The following RC3H2 variants were observed in gnomAD, a reference collection of about 807,000 sequenced individuals.
RC3H2 encodes the protein ring finger and CCCH-type domains 2.
RC3H2 carries 31 observed loss-of-function variants against 133.3 expected under a neutral mutation model. That is an observed-to-expected ratio of 0.23 (90% CI 0.17 to 0.31). The LOEUF is 0.31. RC3H2 is among the 10% of genes least tolerant of loss of function. RC3H2 has a pLI of 1.00. For synonymous variants in RC3H2, 517 were observed against 502.2 expected (o/e 1.03, Z -0.40); for missense variants, 1,175 against 1,437.2 (o/e 0.82, Z 2.95).
At chr9:122,866,964 C>T (rs1055632817) in intron 9 of RC3H2, among the ~76,000 whole-genome samples, 1 of 143,920 alleles carries the variant, frequency 6.9e-6, no homozygotes, top group African/African-American at 2.6e-5. Flanking sequence ...TGAGGAGCGT[C>T]TCTGCCCGGC....
intron 12 of RC3H2, among the ~76,000 whole-genome samples, 198 bp downstream of exon 12, chr9:122,858,471 T>G (rs964668427): frequency 1.3e-5 from 2 of 152,266 alleles, no homozygotes; most frequent in East Asian, 3.8e-4. Context: ...TTTTCTGATT[T>G]AATTCTCACA....
chr9:122,885,887 GTTTGT>G (rs558132218), intron 4 of RC3H2, among the ~76,000 whole-genome samples: 13 of 150,940 alleles, frequency 8.6e-5, no homozygotes, highest in South Asian at 4.2e-4. Context: ...GTTTTGTTTT[GTTTGT>G]TTTGTTTTGT....
chr9:122,885,090 T>C (rs538677092), intron 4 of RC3H2, among the ~76,000 whole-genome samples: 1 of 152,250 alleles, frequency 6.6e-6, no homozygotes, highest in Admixed American at 6.6e-5. Flanking sequence ...AAATTGTATA[T>C]AGTACTGTAT....
In RC3H2 at chr9:122,883,390, T is replaced by TA. The variant is rs763568821; in HGVS notation, c.584-12dup. 1.9e-6 allele frequency: 3 copies of TA among 1,584,816 alleles called. No homozygotes were observed. The African/African-American group carries it at 4.1e-5, about 22-fold the overall frequency. On this transcript the variant is annotated splice_polypyrimidine_tract_variant and intron_variant, in intron 4 of 20. Coordinates refer to ENST00000357244, the MANE Select transcript of RC3H2 (RefSeq NM_001100588.3). Reference sequence around the variant, plus strand: ...CCTCTTCTTGCATAGCTAAAAATATTAAAGGAACATGAGTTCATGACAAAT... The same window carrying TA: ...CCTCTTCTTGCATAGCTAAAAATATTAAAAGGAACATGAGTTCATGACAAAT...
chr9:122,859,900 T>G lies in RC3H2; in HGVS notation c.1849+17A>C, dbSNP rs748519894. ...ACAATGTTTCTTTTTTTCTTAGAAT[T>G]GTCTAAAATTACTCACCTGTCTGTG... On this transcript the variant is annotated intron_variant, in intron 11 of 20. Coordinates refer to ENST00000357244, the MANE Select transcript of RC3H2 (RefSeq NM_001100588.3). 1.2e-5 allele frequency: 18 copies of G among 1,556,182 alleles called. No homozygotes were observed. The Admixed American group carries it at 3.0e-4, about 26-fold the overall frequency.
rs1207375704 is a variant in RC3H2, at chr9:122,868,859, G to A, written c.1326-3202C>T. On this transcript the variant is annotated intron_variant, in intron 9 of 20. Transcript: ENST00000357244. ...CCTATATGTGTGTGTGTGTGTGTGT[G>A]TGTGTGTGTGTGTGTGTGTGTGTGT... Among the ~76,000 whole-genome samples, 39 of 15,176 alleles carry A rather than the reference G, an allele frequency of 2.6e-3. 2 individuals carry two copies. Among genetic ancestry groups the A allele is most frequent in the Non-Finnish European group, 0.017 (31 of 1,800 alleles). The allele number at this position is 15,176 out of a possible 152,430, so 10.0% of individuals were successfully genotyped here.
In RC3H2 at chr9:122,892,989, C is replaced by G. The variant is rs151097081; in HGVS notation, c.269G>C (p.Gly90Ala). The change falls in exon 3 of 21, where the codon GGT (glycine) becomes GCT (alanine). Residue 90 changes from glycine (G) to alanine (A), a missense_variant. Around this residue, in one of 8 missense-constraint regions of RC3H2, gnomAD observed 30 missense variants for 25.2 expected, o/e 1.19. Coordinates refer to ENST00000357244, the MANE Select transcript of RC3H2 (RefSeq NM_001100588.3). ...DHQSIKLSNL[G>A]ENKHYEVAKK... ...TGCAACCTCATAGTGTTTATTCTCA[C>G]CTAGATTACTTAACTTAATTGACTG... is the stretch of plus-strand genomic sequence containing the variant. 5.0e-6 allele frequency: 8 copies of G among 1,610,354 alleles called. No homozygotes were observed. The highest frequency in any genetic ancestry group is 5.9e-6 in the Non-Finnish European group (7 of 1,179,496).
intron 9 of RC3H2, chr9:122,875,049 T>C (rs1032414908): frequency 2.9e-6 from 3 of 1,023,504 alleles, no homozygotes; most frequent in Non-Finnish European, 3.9e-6. Flanking sequence ...GCTAAAAAGC[T>C]CTATTTCAGG....
chr9:122,861,500 A>AG (rs1326887469), intron 10 of RC3H2, among the ~76,000 whole-genome samples: 1 of 18,402 alleles, frequency 5.4e-5, no homozygotes, highest in Non-Finnish European at 1.7e-4. Flanking sequence ...CAAAAAAAAA[A>AG]AAAAAAAAAG....
At chr9:122,878,555 C>G (rs1357477358) in intron 8 of RC3H2, among the ~76,000 whole-genome samples, 2 of 151,922 alleles carry the variant, frequency 1.3e-5, no homozygotes, top group Non-Finnish European at 2.9e-5. Context: ...TAGACATGAG[C>G]CACCGCGCCC....
At chr9:122,875,359 G>A in intron 9 of RC3H2, 1 of 1,549,162 alleles carries the variant, frequency 6.5e-7, no homozygotes, top group Non-Finnish European at 8.7e-7. Flanking sequence ...ATAGTCCACG[G>A]GGGTTACACT....
rs764525874 is a variant in RC3H2 at position 122,897,426 on chromosome 9, G to C, written c.84C>G (p.Pro28=). ...CAGTGTGTGAACAACCTAAACTGAT[G>C]GGTTTGTGCACATTCTCATCAAATT... ...YNEFDENVHK[P]ISLGCSHTVC... is the part of the protein sequence containing the mutation. Residue 28 remains proline (P), a synonymous_variant, in exon 2 of 21, where the codon CCC becomes CCG. Coordinates refer to ENST00000357244, the MANE Select transcript of RC3H2 (RefSeq NM_001100588.3). 2 of 1,614,148 alleles carry C rather than the reference G, an allele frequency of 1.2e-6. No homozygotes were observed. The highest frequency in any genetic ancestry group is 3.3e-5 in the Admixed American group (2 of 60,018).
At chr9:122,881,568 TATG>T (rs1399436297) in intron 5 of RC3H2, among the ~76,000 whole-genome samples, 1 of 151,706 alleles carries the variant, frequency 6.6e-6, no homozygotes, top group African/African-American at 2.4e-5. Context: ...AGGGTTAAGA[TATG>T]ATACAGGCTA....
chr9:122,905,023 A>G, intron 1 of RC3H2, 87 bp downstream of exon 1: 1 of 910,228 alleles, frequency 1.1e-6, no homozygotes, highest in Non-Finnish European at 1.3e-6. Flanking sequence ...CACAGGCCCC[A>G]GGGCTGAGAC....
intron 4 of RC3H2, among the ~76,000 whole-genome samples, chr9:122,887,895 C>T (rs924532213): frequency 6.6e-6 from 1 of 152,112 alleles, no homozygotes; most frequent in Non-Finnish European, 1.5e-5. Flanking sequence ...AGGTGCCTGA[C>T]ACCACACCTG....
chr9:122,901,069 A>C (rs550245068), intron 1 of RC3H2, among the ~76,000 whole-genome samples: 1 of 152,358 alleles, frequency 6.6e-6, no homozygotes, highest in African/African-American at 2.4e-5. Flanking sequence ...TTAGTCCACC[A>C]TATTATGCAG....
In RC3H2 at chr9:122,845,805, AG is replaced by A. The variant is rs1211750748; in HGVS notation, c.*3821del. On this transcript the variant is annotated 3_prime_UTR_variant, in exon 21 of 21. Transcript: ENST00000357244. ...GGGGTCCTTATGTAGAAGGAGTTACAGTAAGTGATCCCATCAAGCCTCTTCA... is the reference window on the plus strand; with the variant it reads ...GGGGTCCTTATGTAGAAGGAGTTACATAAGTGATCCCATCAAGCCTCTTCA... The A allele has an allele frequency of 6.6e-6, 1 of 152,212 alleles. No homozygotes were observed. The highest frequency in any genetic ancestry group is 1.5e-5 in the Non-Finnish European group (1 of 68,042). The allele number at this position is 152,212 out of a possible 1,614,324, so 9.4% of individuals were successfully genotyped here. A position where few individuals can be genotyped will look rare whatever the true frequency, so the allele number is the denominator to read the frequency against.
At chr9:122,859,164 G>C in intron 11 of RC3H2, 62 bp from the exon 12 acceptor site, 1 of 1,317,022 alleles carries the variant, frequency 7.6e-7, no homozygotes, top group Non-Finnish European at 1.0e-6. Context: ...TTTTATAATG[G>C]CTTAAATCTA....
chr9:122,852,276 A>G (rs1466250934), intron 18 of RC3H2, among the ~76,000 whole-genome samples: 4 of 139,110 alleles, frequency 2.9e-5, no homozygotes, highest in African/African-American at 1.1e-4. Context: ...GCCCCGTATG[A>G]GAAGTGAGGA....
Sources: gnomAD v4.1 joint callset for allele counts (sites outside exome capture counted in the v4.1 genomes callset) on GRCh38, gnomAD v4.1.1 for gene constraint, gnomAD v4.1.1 regional missense constraint, MANE v1.5 for transcripts, NCBI Gene and HGNC (gene_info 2026-07-23, HGNC 2026-07-21) for gene names.